The following DHH variants were observed in gnomAD, a reference collection of about 807,000 sequenced individuals.
DHH encodes the protein desert hedgehog signaling molecule, also known as desert hedgehog protein.
DHH carries 16 observed loss-of-function variants against 27.6 expected under a neutral mutation model. The observed-to-expected ratio is 0.58, with a 90% CI of 0.39 to 0.88. The LOEUF is 0.88. Ranked by LOEUF, DHH falls within the 40% of genes least tolerant of loss-of-function variation. The pLI, the probability that DHH is intolerant of heterozygous loss-of-function variation, is 0.00. For synonymous variants in DHH, 289 were observed against 263.4 expected, an observed-to-expected ratio of 1.10 and a Z score of -0.94; for missense variants, 436 against 563.1, an observed-to-expected ratio of 0.77 and a Z score of 2.28.
chr12:49,093,371 A>G (rs1291801199), intron 1 of DHH: 1 of 152,262 alleles, frequency 6.6e-6, no homozygotes, highest in Non-Finnish European at 1.5e-5. Context: ...CCTAGGCAAC[A>G]TGGCAAGACC....
chr12:49,090,535 A>G lies in DHH; in HGVS notation c.566-51T>C. On this transcript the variant is annotated intron_variant, in intron 2 of 2. Transcript: ENST00000649637. This position sits in a 1 kb window ranked among gnomAD's most constrained non-coding sequence, Gnocchi z 5.2. ...TTGAATCAAGACCAGCGGTTCCAGA[A>G]CGATTCTCAAGGCCAGCGCAGATAT... is the stretch of plus-strand genomic sequence containing the variant. 1 of 1,585,810 alleles carries G rather than the reference A, an allele frequency of 6.3e-7. No homozygotes were observed. Among genetic ancestry groups the G allele is most frequent in the Non-Finnish European group, 8.5e-7 (1 of 1,174,924 alleles).
chr12:49,088,478 G>C lies in DHH; in HGVS notation c.*1381C>G, dbSNP rs531013692. Among the ~76,000 whole-genome samples the C allele has an allele frequency of 1.1e-4, 17 of 152,318 alleles. No individual in the cohort carries two copies. The highest frequency in any genetic ancestry group is 4.1e-4 in the African/African-American group (17 of 41,560). ...GGACCCTGTGCGATGGGAGCGCACA[G>C]CGGCTACTGGCAAGGGCGAGCTCCG... is the stretch of plus-strand genomic sequence containing the variant. On this transcript the variant is annotated 3_prime_UTR_variant, in exon 3 of 3. Coordinates refer to ENST00000649637, the MANE Select transcript of DHH (RefSeq NM_021044.4).
Position 49,087,388 on chromosome 12 carries a change from T to C in DHH, c.*2471A>G, listed in dbSNP as rs1161236074. On this transcript the variant is annotated 3_prime_UTR_variant, in exon 3 of 3. Transcript: ENST00000649637. ...ACAGTGCTAGGAATCATCACCATTA[T>C]GATTTTATGGTTAAAGGTTAAAACT... Among the ~76,000 whole-genome samples the C allele has an allele frequency of 6.6e-6, 1 of 152,204 alleles. No homozygotes were observed. Among genetic ancestry groups the C allele is most frequent in the Admixed American group, 6.5e-5 (1 of 15,280 alleles).
rs752490740 is a variant in DHH at position 49,090,351 on chromosome 12, C to T, written c.699G>A (p.Arg233=). The T allele has an allele frequency of 1.9e-6, 3 of 1,608,326 alleles. No individual in the cohort carries two copies. The highest frequency in any genetic ancestry group is 2.5e-6 in the Non-Finnish European group (3 of 1,178,180). The change falls in exon 3 of 3, where the codon CGG becomes CGA. Residue 233 remains arginine (R), a synonymous_variant. Coordinates refer to ENST00000649637, the MANE Select transcript of DHH (RefSeq NM_021044.4). The surrounding 1 kb of genome is among the most constrained non-coding windows in gnomAD (Gnocchi z 5.2). ...DWVLAADASG[R]VVPTPVLLFL... Reference sequence around the variant, plus strand: ...AGAGCAGCACCGGCGTGGGCACCACCCGGCCTGACGCATCGGCCGCCAAAA... The same window carrying T: ...AGAGCAGCACCGGCGTGGGCACCACTCGGCCTGACGCATCGGCCGCCAAAA...
Position 49,091,883 on chromosome 12 carries a change from G to A in DHH, c.304-494C>T, listed in dbSNP as rs1162357325. Among the ~76,000 whole-genome samples the A allele has an allele frequency of 1.3e-5, 2 of 152,066 alleles. No homozygotes were observed. Among genetic ancestry groups the A allele is most frequent in the Admixed American group, 1.3e-4 (2 of 15,256 alleles). ...CTTCCTTCCTTCCTCCTCCTCCTTT[G>A]GGCCCTTAGCATTAACCCCTTCGTG... On this transcript the variant is annotated intron_variant, in intron 1 of 2. Coordinates refer to ENST00000649637, the MANE Select transcript of DHH (RefSeq NM_021044.4). This position sits in a 1 kb window ranked among gnomAD's most constrained non-coding sequence, Gnocchi z 4.8.
At position 49,087,353 on chromosome 12, in the gene DHH, C is replaced by A. The variant is rs895113997; in HGVS notation, c.*2506G>T. 1.3e-5 allele frequency among the ~76,000 whole-genome samples: 2 copies of A among 152,156 alleles called. No individual in the cohort carries two copies. The highest frequency in any genetic ancestry group is 2.4e-5 in the African/African-American group (1 of 41,436). On this transcript the variant is annotated 3_prime_UTR_variant, in exon 3 of 3. Coordinates refer to ENST00000649637, the MANE Select transcript of DHH (RefSeq NM_021044.4). ...TCCTTGTCCTGAAATATCTCCCTAGCTAACTTATTACAGTGCTAGGAATCA... is the reference window on the plus strand; with the variant it reads ...TCCTTGTCCTGAAATATCTCCCTAGATAACTTATTACAGTGCTAGGAATCA...
At chr12:49,094,185 G>A in intron 1 of DHH, 25 bp downstream of exon 1, 3 of 1,612,406 alleles carry the variant, frequency 1.9e-6, no homozygotes, top group Non-Finnish European at 2.5e-6. Flanking sequence ...GTGCCCCGGC[G>A]CAGGTAGGGA....
rs754555026 is a variant in DHH at position 49,090,336 on chromosome 12, C to G, written c.714G>C (p.Pro238=). The change falls in exon 3 of 3, where the codon CCG becomes CCC. Residue 238 remains proline, a synonymous_variant. Coordinates refer to ENST00000649637, the MANE Select transcript of DHH (RefSeq NM_021044.4). This position sits in a 1 kb window ranked among gnomAD's most constrained non-coding sequence, Gnocchi z 5.2. ...AGTCCCGGTCCAGGAAGAGCAGCAC[C>G]GGCGTGGGCACCACCCGGCCTGACG... ...ADASGRVVPT[P]VLLFLDRDLQ... is the part of the protein sequence containing the mutation. 6.2e-7 allele frequency: 1 copy of G among 1,606,612 alleles called. No individual in the cohort carries two copies.
At chr12:49,094,169 C>CT (rs773458364) in intron 1 of DHH, 41 bp downstream of exon 1, 52 of 1,610,758 alleles carry the variant, frequency 3.2e-5, no homozygotes, top group Non-Finnish European at 4.2e-5. Flanking sequence ...AACGGAGGAG[C>CT]TGGCAGTGCC....
rs66822264 is a variant in DHH, at chr12:49,087,705, T to TA, written c.*2153dup. Among the ~76,000 whole-genome samples, 6 of 152,080 alleles carry TA rather than the reference T, an allele frequency of 3.9e-5. No homozygotes were observed. The highest frequency in any genetic ancestry group is 3.9e-4 in the Admixed American group (6 of 15,264). ...GCAACAGAGCGAGATCCTGTCTCTT[T>TA]AAAAAATACATGTATATATATATGC... On this transcript the variant is annotated 3_prime_UTR_variant, in exon 3 of 3. Coordinates refer to ENST00000649637, the MANE Select transcript of DHH (RefSeq NM_021044.4).
Position 49,090,422 on chromosome 12 carries a change from T to A in DHH, c.628A>T (p.Ser210Cys), listed in dbSNP as rs1939278162. The change falls in exon 3 of 3, where the codon AGC (serine) becomes TGC (cysteine). Residue 210 changes from serine (S) to cysteine (C), a missense_variant. By Grantham distance (112) the Ser-to-Cys change is moderately radical. Transcript: ENST00000649637. This position sits in a 1 kb window ranked among gnomAD's most constrained non-coding sequence, Gnocchi z 5.2. The stretch of plus-strand genomic sequence containing the variant: ...TCCCGCAGCCCTTTCCGCTCGCCGC[T>A]CCACAGGCGCACAGTTGCATTTCCC... ...FPGNATVRLW[S>C]GERKGLRELH... 1 of 1,609,318 alleles carries A rather than the reference T, an allele frequency of 6.2e-7. No homozygotes were observed. The highest frequency in any genetic ancestry group is 8.5e-7 in the Non-Finnish European group (1 of 1,179,380).
At position 49,091,626 on chromosome 12, in the gene DHH, G is replaced by A. The variant is rs540052244; in HGVS notation, c.304-237C>T. Among the ~76,000 whole-genome samples the A allele has an allele frequency of 2.6e-5, 4 of 152,246 alleles. No homozygotes were observed. The highest frequency in any genetic ancestry group is 4.4e-5 in the Non-Finnish European group (3 of 68,000). On this transcript the variant is annotated intron_variant, in intron 1 of 2. Coordinates refer to ENST00000649637, the MANE Select transcript of DHH (RefSeq NM_021044.4). This position sits in a 1 kb window ranked among gnomAD's most constrained non-coding sequence, Gnocchi z 4.8. ...GGTTGAGAGGGGGTGCCCATACCTA[G>A]CTCCTTCCCCATTTTTAATGCCCGT...
Position 49,089,772 on chromosome 12 carries a change from C to A in DHH, c.*87G>T, listed in dbSNP as rs75012285. ...CCCCTCCCTCTCCCTCCCTTCCAGTCGGCATCGTCTGCTGCCCACAGCCCC... is the reference window on the plus strand; with the variant it reads ...CCCCTCCCTCTCCCTCCCTTCCAGTAGGCATCGTCTGCTGCCCACAGCCCC... On this transcript the variant is annotated 3_prime_UTR_variant, in exon 3 of 3. Coordinates refer to ENST00000649637, the MANE Select transcript of DHH (RefSeq NM_021044.4). 7,854 of 1,411,322 alleles carry A rather than the reference C, an allele frequency of 5.6e-3. 370 individuals carry two copies. The African/African-American group carries it at 0.1, about 19-fold the overall frequency. 87.4% of individuals were successfully genotyped at this position (1,411,322 alleles called of 1,614,324 possible).
At chr12:49,093,989 A>T (rs1939349262) in intron 1 of DHH, among the ~76,000 whole-genome samples, 1 of 152,046 alleles carries the variant, frequency 6.6e-6, no homozygotes, top group Non-Finnish European at 1.5e-5. Context: ...CTCACTAGTC[A>T]GTCCCTCCTC....
Position 49,094,619 on chromosome 12 carries a change from C to G in DHH, c.-107G>C. 1 of 1,298,594 alleles carries G rather than the reference C, an allele frequency of 7.7e-7. No individual in the cohort carries two copies. The highest frequency in any genetic ancestry group is 1.1e-6 in the Non-Finnish European group (1 of 920,922). 80.4% of individuals were successfully genotyped at this position (1,298,594 alleles called of 1,614,324 possible). Reference sequence around the variant, plus strand: ...GAGAGGGCAGCAGGCACAGCTGCCCCCAGAGTGCCCTAGAGCTCTTGTGGC... The same window carrying G: ...GAGAGGGCAGCAGGCACAGCTGCCCGCAGAGTGCCCTAGAGCTCTTGTGGC... On this transcript the variant is annotated 5_prime_UTR_variant, in exon 1 of 3. Coordinates refer to ENST00000649637, the MANE Select transcript of DHH (RefSeq NM_021044.4).
chr12:49,094,543 G>A lies in DHH; in HGVS notation c.-31C>T. The A allele has an allele frequency of 6.5e-7, 1 of 1,549,016 alleles. No homozygotes were observed. Among genetic ancestry groups the A allele is most frequent in the Non-Finnish European group, 8.7e-7 (1 of 1,145,936 alleles). ...CAGCGGACCTCGGCCAAAAGGGAGC[G>A]TTCTTGTCCTCACTAACTCTCCTGT... On this transcript the variant is annotated 5_prime_UTR_variant, in exon 1 of 3. In the 5' UTR this introduces an upstream ATG that the reference lacks. Coordinates refer to ENST00000649637, the MANE Select transcript of DHH (RefSeq NM_021044.4).
Position 49,094,745 on chromosome 12 carries a change from G to A in DHH, c.-233C>T, listed in dbSNP as rs982100853. 9.8e-6 allele frequency: 6 copies of A among 609,862 alleles called. No individual in the cohort carries two copies. The highest frequency in any genetic ancestry group is 5.5e-5 in the Admixed American group (2 of 36,266). The allele number at this position is 609,862 out of a possible 1,614,324, so 37.8% of individuals were successfully genotyped here. ...ACAAACCATCATAGCAGGGAAGGGG[G>A]GTCGTGGGTGAGTGCCAGCCCAGCC... On this transcript the variant is annotated 5_prime_UTR_variant, in exon 1 of 3. Transcript: ENST00000649637.
rs959397211 is a variant in DHH at position 49,086,989 on chromosome 12, C to T, written c.*2870G>A. 6.6e-6 allele frequency among the ~76,000 whole-genome samples: 1 copy of T among 152,206 alleles called. No homozygotes were observed. Among genetic ancestry groups the T allele is most frequent in the Non-Finnish European group, 1.5e-5 (1 of 68,030 alleles). ...AGAAAACATTTACTGAGCGCCTACT[C>T]CACATCCAGCACAATCCTTCTCAAC... On this transcript the variant is annotated 3_prime_UTR_variant, in exon 3 of 3. Transcript: ENST00000649637.
chr12:49,093,018 C>G (rs960457016), intron 1 of DHH: 10 of 152,140 alleles, frequency 6.6e-5, no homozygotes, highest in African/African-American at 2.2e-4. Flanking sequence ...AATCCGTACC[C>G]CTCCCTCTCC....
Sources: gnomAD v4.1 joint callset for allele counts (sites outside exome capture counted in the v4.1 genomes callset) on GRCh38, gnomAD v4.1.1 for gene constraint, Gnocchi (gnomAD v3.1) non-coding constraint, MANE v1.5 for transcripts, NCBI Gene and HGNC (gene_info 2026-07-23, HGNC 2026-07-21) for gene names.